Variants in SLC9D1 observed in about 807,000 individuals in gnomAD.
SLC9D1 encodes the protein putative LAG1-interacting protein.
chr13:113,503,892 G>T, the SLC9D1 span: 1 of 298,044 alleles, frequency 3.4e-6, no homozygotes, highest in Non-Finnish European at 6.3e-6. Flanking sequence ...ACTGTTAGAG[G>T]GTCAGATGTC....
At chr13:113,534,397 C>G in the SLC9D1 span, 2 of 658,828 alleles carry the variant, frequency 3.0e-6, no homozygotes, top group Admixed American at 3.0e-5. Context: ...CTTATACTAC[C>G]CATCAAAATA....
At chr13:113,507,204 C>T in the SLC9D1 span, among the ~76,000 whole-genome samples, 2 of 152,118 alleles carry the variant, frequency 1.3e-5, no homozygotes, top group African/African-American at 4.8e-5. Flanking sequence ...CGGAGGGAGC[C>T]GTCGGAGTCT....
the SLC9D1 span, among the ~76,000 whole-genome samples, chr13:113,492,878 A>G: frequency 6.6e-6 from 1 of 152,212 alleles, no homozygotes; most frequent in African/African-American, 2.4e-5. Context: ...AGCCTGGGTG[A>G]CAAGAGCAAA....
the SLC9D1 span, among the ~76,000 whole-genome samples, chr13:113,510,649 G>A: frequency 6.6e-6 from 1 of 152,192 alleles, no homozygotes; most frequent in Non-Finnish European, 1.5e-5. Context: ...TAAGAAAAAT[G>A]CCCGTGAGGA....
the SLC9D1 span, among the ~76,000 whole-genome samples, chr13:113,544,061 T>C: frequency 6.6e-6 from 1 of 152,250 alleles, no homozygotes; most frequent in Non-Finnish European, 1.5e-5. Context: ...TGGGACCCGA[T>C]ATCCACTTCA....
the SLC9D1 span, chr13:113,520,707 A>G: frequency 1.1e-5 from 17 of 1,613,672 alleles, no homozygotes; most frequent in Middle Eastern, 1.7e-4. Flanking sequence ...CGACTCTCAT[A>G]CAGGCGGGCG....
chr13:113,549,748 T>C, the SLC9D1 span: 3 of 727,352 alleles, frequency 4.1e-6, no homozygotes. Flanking sequence ...AGTCTGTTGA[T>C]TATGTGCAGT....
chr13:113,549,971 A>C, the SLC9D1 span: 1 of 353,500 alleles, frequency 2.8e-6, no homozygotes, highest in South Asian at 3.7e-5. Context: ...CATTTCTGTA[A>C]TATGAAGTTG....
the SLC9D1 span, among the ~76,000 whole-genome samples, chr13:113,533,509 C>T: frequency 3.3e-5 from 5 of 152,294 alleles, no homozygotes; most frequent in South Asian, 2.1e-4. Flanking sequence ...AGTGGATGTC[C>T]GCTGGCTGAG....
chr13:113,545,184 C>T, the SLC9D1 span, among the ~76,000 whole-genome samples: 4 of 152,236 alleles, frequency 2.6e-5, no homozygotes, highest in Non-Finnish European at 5.9e-5. Flanking sequence ...CAGGCAGCGT[C>T]CTTAGCAGCC....
At chr13:113,541,061 C>A in the SLC9D1 span, among the ~76,000 whole-genome samples, 1 of 152,132 alleles carries the variant, frequency 6.6e-6, no homozygotes, top group Non-Finnish European at 1.5e-5. Context: ...CTGCCTGTCC[C>A]GATGGCTTGT....
chr13:113,549,386 G>T, the SLC9D1 span: 1 of 1,607,708 alleles, frequency 6.2e-7, no homozygotes, highest in South Asian at 1.1e-5. Context: ...TGCTAGTCCT[G>T]ACAGTCTCTG....
At chr13:113,539,471 C>T in the SLC9D1 span, 56 of 1,613,248 alleles carry the variant, frequency 3.5e-5, no homozygotes, top group Non-Finnish European at 4.4e-5. The surrounding 1 kb of genome is among the most constrained non-coding windows in gnomAD (Gnocchi z 4.8). Flanking sequence ...CGAACCCATC[C>T]GCGACTTCCT....
the SLC9D1 span, chr13:113,491,238 C>G: frequency 6.6e-6 from 1 of 152,314 alleles, no homozygotes; most frequent in Non-Finnish European, 1.5e-5. Flanking sequence ...CGGTGATGCT[C>G]GGGCCGGACG....
the SLC9D1 span, among the ~76,000 whole-genome samples, chr13:113,543,546 A>G: frequency 1.8e-5 from 1 of 56,344 alleles, no homozygotes; most frequent in Admixed American, 2.3e-4. Flanking sequence ...CGTGCCCCCA[A>G]CCTCGCTCCT....
At chr13:113,524,119 T>C in the SLC9D1 span, 2 of 456,226 alleles carry the variant, frequency 4.4e-6, no homozygotes, top group Non-Finnish European at 4.4e-6. Context: ...TTTTAATATA[T>C]GTCAGTCAGT....
the SLC9D1 span, among the ~76,000 whole-genome samples, chr13:113,509,825 T>C: frequency 6.6e-6 from 1 of 152,200 alleles, no homozygotes; most frequent in African/African-American, 2.4e-5. Flanking sequence ...CGAGGCACTA[T>C]AGAGCCGCTT....
At chr13:113,507,862 T>C in the SLC9D1 span, among the ~76,000 whole-genome samples, 1 of 152,232 alleles carries the variant, frequency 6.6e-6, no homozygotes, top group Non-Finnish European at 1.5e-5. Context: ...CTGCGGCTTG[T>C]ATTTTGGGAT....
chr13:113,544,237 G>A, the SLC9D1 span, among the ~76,000 whole-genome samples: 436 of 152,348 alleles, frequency 2.9e-3, 1 homozygote, highest in African/African-American at 9.9e-3. Flanking sequence ...GCTCGTGCCC[G>A]CTGGGTGAGG....
Sources: gnomAD v4.1 joint callset for allele counts (sites outside exome capture counted in the v4.1 genomes callset) on GRCh38, gnomAD v4.1.1 for gene constraint, Gnocchi (gnomAD v3.1) non-coding constraint, MANE v1.5 for transcripts, NCBI Gene and HGNC (gene_info 2026-07-23, HGNC 2026-07-21) for gene names.